Variants in DUSP29 observed in about 807,000 individuals in gnomAD.
DUSP29 encodes the protein atypical dual-specific protein phosphatase.
DUSP29 carries 12 observed loss-of-function variants against 13.5 expected under a neutral mutation model. The observed-to-expected ratio is 0.89, with a 90% CI of 0.57 to 1.44. DUSP29 has a LOEUF of 1.44. Among genes scored for constraint, DUSP29 ranks in the 40% most tolerant of loss-of-function variants. The pLI is 0.00. For synonymous variants in DUSP29, 134 were observed against 128.7 expected (o/e 1.04, Z -0.28); for missense variants, 308 against 301.1 (o/e 1.02, Z -0.17).
chr10:75,056,998 G>A (rs547937358), intron 2 of DUSP29, among the ~76,000 whole-genome samples: 11 of 152,294 alleles, frequency 7.2e-5, no homozygotes, highest in East Asian at 3.9e-4. Flanking sequence ...CATATAGGCC[G>A]GGCACGGTGG....
intron 1 of DUSP29, among the ~76,000 whole-genome samples, chr10:75,065,690 A>ATTT (rs55692734): frequency 6.9e-6 from 1 of 144,002 alleles, no homozygotes; most frequent in African/African-American, 2.5e-5. Context: ...CAATTTAAGG[A>ATTT]TTTTTTTTTT....
intron 1 of DUSP29, among the ~76,000 whole-genome samples, chr10:75,063,658 C>G (rs1847136272): frequency 6.6e-6 from 1 of 151,876 alleles, no homozygotes. Context: ...TTCACTGGTT[C>G]TCCTCCCTCT....
intron 2 of DUSP29, among the ~76,000 whole-genome samples, chr10:75,045,079 G>A (rs533585633): frequency 2.0e-5 from 3 of 152,338 alleles, no homozygotes; most frequent in East Asian, 1.9e-4. Context: ...AACAGGGGCC[G>A]AGCACAATGG....
intron 3 of DUSP29, 147 bp downstream of exon 3, chr10:75,043,650 G>C: frequency 2.5e-6 from 2 of 812,930 alleles, no homozygotes; most frequent in Non-Finnish European, 1.9e-6. Context: ...CTGGGCCTCA[G>C]ACGGGGAAAC....
intron 1 of DUSP29, among the ~76,000 whole-genome samples, chr10:75,072,531 A>G (rs1426787188): frequency 2.0e-5 from 3 of 152,046 alleles, no homozygotes; most frequent in Admixed American, 1.3e-4. Context: ...TCAGCTCAGA[A>G]GCCCTTCAAG....
chr10:75,056,518 T>A (rs1416013874), intron 2 of DUSP29, among the ~76,000 whole-genome samples: 3 of 147,086 alleles, frequency 2.0e-5, no homozygotes, highest in Non-Finnish European at 3.0e-5. Flanking sequence ...AAAAAAAAAA[T>A]TAGCTGGGCG....
At chr10:75,052,320 T>C (rs1846851481) in intron 2 of DUSP29, among the ~76,000 whole-genome samples, 1 of 150,414 alleles carries the variant, frequency 6.6e-6, no homozygotes, top group Non-Finnish European at 1.5e-5. Flanking sequence ...TTTTTTTTTT[T>C]TTCTTGAGAC....
intron 2 of DUSP29, among the ~76,000 whole-genome samples, chr10:75,046,529 G>A (rs149968212): frequency 8.5e-4 from 129 of 152,310 alleles, no homozygotes; most frequent in African/African-American, 3.0e-3. Context: ...TTGGTTTCCT[G>A]GAGCTTTTTA....
At chr10:75,052,218 C>T (rs1308314655) in intron 2 of DUSP29, among the ~76,000 whole-genome samples, 1 of 151,960 alleles carries the variant, frequency 6.6e-6, no homozygotes, top group Non-Finnish European at 1.5e-5. Flanking sequence ...GTCCCTTGGC[C>T]GTCATTCACC....
chr10:75,058,214 C>CTCAATTTGGACTACAAATTTGGAATTTG, intron 2 of DUSP29, 101 bp downstream of exon 2: 1 of 1,389,210 alleles, frequency 7.2e-7, no homozygotes, highest in East Asian at 2.3e-5. Flanking sequence ...TCTCACAGAA[C>CTCAATTTGGACTACAAATTTGGAATTTG]GACTACAAAT....
At chr10:75,063,461 A>C (rs904717261) in intron 1 of DUSP29, among the ~76,000 whole-genome samples, 11 of 152,086 alleles carry the variant, frequency 7.2e-5, no homozygotes, top group African/African-American at 2.7e-4. Context: ...TCAGGCCTGC[A>C]GTATGTGGAG....
intron 1 of DUSP29, among the ~76,000 whole-genome samples, chr10:75,058,755 A>G (rs1202133578): frequency 6.6e-6 from 1 of 152,222 alleles, no homozygotes; most frequent in African/African-American, 2.4e-5. Context: ...CAATGTTCCA[A>G]TCTTTCTAGA....
At chr10:75,065,503 A>G (rs1847181266) in intron 1 of DUSP29, among the ~76,000 whole-genome samples, 1 of 151,526 alleles carries the variant, frequency 6.6e-6, no homozygotes, top group African/African-American at 2.4e-5. Context: ...TAAATTTTGT[A>G]TTTTTAGTAA....
chr10:75,067,985 G>A (rs1488153193), intron 1 of DUSP29, among the ~76,000 whole-genome samples: 1 of 151,960 alleles, frequency 6.6e-6, no homozygotes, highest in African/African-American at 2.4e-5. Context: ...GCTAATTTTT[G>A]TATTTTTAGT....
intron 1 of DUSP29, 117 bp from the exon 2 acceptor site, chr10:75,058,665 C>T (rs2134297761): frequency 1.1e-6 from 1 of 892,640 alleles, no homozygotes; most frequent in Non-Finnish European, 1.7e-6. Flanking sequence ...GTTTCCCCAA[C>T]CTGCTATGCC....
At chr10:75,043,725 C>T (rs1846635994) in intron 3 of DUSP29, 72 bp downstream of exon 3, 4 of 1,346,070 alleles carry the variant, frequency 3.0e-6, no homozygotes, top group Non-Finnish European at 3.9e-6. Flanking sequence ...GGGGCGGGGC[C>T]TAAGCTACGG....
chr10:75,040,623 C>T (rs1846560445), intron 3 of DUSP29, among the ~76,000 whole-genome samples: 2 of 152,174 alleles, frequency 1.3e-5, no homozygotes, highest in African/African-American at 4.8e-5. Context: ...GCAAAGTCAC[C>T]AGGTGCTCAA....
intron 1 of DUSP29, among the ~76,000 whole-genome samples, chr10:75,070,888 C>G (rs186167925): frequency 1.3e-4 from 20 of 152,328 alleles, no homozygotes; most frequent in African/African-American, 4.6e-4. Context: ...CGTGAATGGT[C>G]ACCAGAAGAG....
At chr10:75,062,976 C>T (rs967487977) in intron 1 of DUSP29, among the ~76,000 whole-genome samples, 5 of 152,184 alleles carry the variant, frequency 3.3e-5, no homozygotes, top group Non-Finnish European at 5.9e-5. Flanking sequence ...CAATGGCAGC[C>T]TGTCTCCTCC....
Sources: gnomAD v4.1 joint callset for allele counts (sites outside exome capture counted in the v4.1 genomes callset) on GRCh38, gnomAD v4.1.1 for gene constraint, MANE v1.5 for transcripts, NCBI Gene and HGNC (gene_info 2026-07-23, HGNC 2026-07-21) for gene names.